Variants in CKB observed in about 807,000 individuals in gnomAD.
CKB encodes the protein creatine kinase B.
CKB carries 15 observed loss-of-function variants against 36.9 expected under a neutral mutation model. That is an observed-to-expected ratio of 0.41 (90% CI 0.27 to 0.63). The LOEUF (loss-of-function observed/expected upper bound fraction) is 0.63. Among genes scored for constraint, CKB ranks in the 20% least tolerant of loss-of-function variants. The pLI is 0.34. For synonymous variants in CKB, 250 were observed against 228.2 expected, an observed-to-expected ratio of 1.10 and a Z score of -0.86; for missense variants, 413 against 534.9, an observed-to-expected ratio of 0.77 and a Z score of 2.25.
chr14:103,522,446 G>T lies in CKB; in HGVS notation c.48C>A (p.Ala16=), dbSNP rs2075910962. 13 of 1,609,954 alleles carry T rather than the reference G, an allele frequency of 8.1e-6. No individual in the cohort carries two copies. Among genetic ancestry groups the T allele is most frequent in the Non-Finnish European group, 1.1e-5 (13 of 1,178,732 alleles). ...CGCTCAGGTCGGGGAACTCGTCCTC[G>T]GCCGGGAAGCGCAGCTTCAGTGCGT... ...SHNALKLRFP[A]EDEFPDLSAH... Residue 16 remains alanine, a synonymous_variant, in exon 2 of 8, where the codon GCC becomes GCA. Transcript: ENST00000348956. This position sits in a 1 kb window ranked among gnomAD's most constrained non-coding sequence, Gnocchi z 6.7.
Position 103,521,757 on chromosome 14 carries a change from C to A in CKB, c.481+61G>T, listed in dbSNP as rs567866697. On this transcript the variant is annotated intron_variant, in intron 4 of 7. Coordinates refer to ENST00000348956, the MANE Select transcript of CKB (RefSeq NM_001823.5). ...CCCGGGCGACGTAAACAAAAGCGGGCGGGGACCGCGCCGGGAGGGGGACGC... is the reference window on the plus strand; with the variant it reads ...CCCGGGCGACGTAAACAAAAGCGGGAGGGGACCGCGCCGGGAGGGGGACGC... 2.6e-4 allele frequency: 353 copies of A among 1,333,184 alleles called. 1 individual carries two copies. The highest frequency in any genetic ancestry group is 2.9e-4 in the Non-Finnish European group (299 of 1,047,008). 82.6% of individuals were successfully genotyped at this position (1,333,184 alleles called of 1,614,324 possible). A position where few individuals can be genotyped will look rare whatever the true frequency, so the allele number is the denominator to read the frequency against.
In CKB at chr14:103,522,018, C is replaced by T; in HGVS notation, c.348+5G>A. The T allele has an allele frequency of 1.3e-6, 2 of 1,548,452 alleles. No individual in the cohort carries two copies. The highest frequency in any genetic ancestry group is 1.7e-6 in the Non-Finnish European group (2 of 1,146,668). ...CGCCCGCCCGGCCCGCCCGCAGCCCCGCACCTGCAGGTTGTCGGGGTTGAG... is the reference window on the plus strand; with the variant it reads ...CGCCCGCCCGGCCCGCCCGCAGCCCTGCACCTGCAGGTTGTCGGGGTTGAG... On this transcript the variant is annotated splice_donor_5th_base_variant and intron_variant, in intron 3 of 7. Coordinates refer to ENST00000348956, the MANE Select transcript of CKB (RefSeq NM_001823.5). The surrounding 1 kb of genome is among the most constrained non-coding windows in gnomAD (Gnocchi z 6.7).
In CKB at chr14:103,520,073, A is replaced by G; in HGVS notation, c.968-31T>C. ...GAGACAGCAAGTCAGGGCGGAGGAA[A>G]CAGGGCTGCCCAAAGGCCACGGGAA... is the stretch of plus-strand genomic sequence containing the variant. On this transcript the variant is annotated intron_variant, in intron 7 of 7. Transcript: ENST00000348956. 3 of 1,607,524 alleles carry G rather than the reference A, an allele frequency of 1.9e-6. No homozygotes were observed. In the South Asian group the frequency reaches 3.3e-5, roughly 18 times the overall value.
chr14:103,520,406 G>T, intron 6 of CKB, 63 bp downstream of exon 6: 1 of 1,588,180 alleles, frequency 6.3e-7, no homozygotes, highest in Non-Finnish European at 8.6e-7. Context: ...CGGGGGGACT[G>T]ATGCTGGGGC....
chr14:103,521,474 G>A (rs1595995440), intron 4 of CKB, 40 bp from the exon 5 acceptor site: 1 of 1,457,476 alleles, frequency 6.9e-7, no homozygotes, highest in Non-Finnish European at 9.0e-7. Flanking sequence ...TCCCGCGCCC[G>A]CCCCTCCAGC....
chr14:103,519,992 C>A lies in CKB; in HGVS notation c.1018G>T (p.Asp340Tyr). ...VGGVFDVSNA[D>Y]RLGFSEVELV... is the part of the protein sequence containing the mutation. ...TCCACCTCTGAGAAGCCCAGGCGGTCAGCGTTGGAGACGTCGAAGACCCCG... is the reference window on the plus strand; with the variant it reads ...TCCACCTCTGAGAAGCCCAGGCGGTAAGCGTTGGAGACGTCGAAGACCCCG... The change falls in exon 8 of 8, where the codon GAC becomes TAC. Residue 340 changes from aspartate (D) to tyrosine (Y), a missense_variant. Asp to Tyr is a radical substitution (Grantham distance 160). This residue lies in a region of CKB where 314 missense variants were observed against 409.4 expected (regional missense o/e 0.77). Coordinates refer to ENST00000348956, the MANE Select transcript of CKB (RefSeq NM_001823.5). 6.2e-7 allele frequency: 1 copy of A among 1,611,102 alleles called. No individual in the cohort carries two copies. Among genetic ancestry groups the A allele is most frequent in the Non-Finnish European group, 8.5e-7 (1 of 1,179,988 alleles).
chr14:103,520,391 T>G, intron 6 of CKB, 78 bp downstream of exon 6: 1 of 1,584,334 alleles, frequency 6.3e-7, no homozygotes, highest in Non-Finnish European at 8.6e-7. Flanking sequence ...GTGCCGGAAA[T>G]CCCCCGGGGG....
rs769357525 is a variant in CKB at position 103,522,383 on chromosome 14, C to A, written c.111G>T (p.Glu37Asp). 6.2e-7 allele frequency: 1 copy of A among 1,611,650 alleles called. No individual in the cohort carries two copies. The highest frequency in any genetic ancestry group is 8.5e-7 in the Non-Finnish European group (1 of 1,179,256). The stretch of plus-strand genomic sequence containing the variant: ...TCTTGGCGCGCAGCTCCGCGTACAG[C>A]TCGGGGGTCAGCACCTTGGCCATGT... The part of the protein sequence containing the change: ...NNHMAKVLTP[E>D]LYAELRAKST... Residue 37 changes from glutamate (E) to aspartate (D), a missense_variant, in exon 2 of 8, where the codon GAG (glutamate) becomes GAT (aspartate). Glu to Asp is a conservative substitution (Grantham distance 45). Coordinates refer to ENST00000348956, the MANE Select transcript of CKB (RefSeq NM_001823.5). The surrounding 1 kb of genome is among the most constrained non-coding windows in gnomAD (Gnocchi z 6.7).
chr14:103,520,262 T>C lies in CKB; in HGVS notation c.827A>G (p.His276Arg). 1 of 1,613,424 alleles carries C rather than the reference T, an allele frequency of 6.2e-7. No homozygotes were observed. The highest frequency in any genetic ancestry group is 8.5e-7 in the Non-Finnish European group (1 of 1,179,932). Residue 276 changes from histidine (H) to arginine (R), a missense_variant, in exon 7 of 8, where the codon CAC becomes CGC. Around this residue, in one of 3 missense-constraint regions of CKB, gnomAD observed 314 missense variants for 409.4 expected, o/e 0.77. Transcript: ENST00000348956. ...TGGGCAGGTGAGGATGTAGCCCAGG[T>C]GAGGGTTCCACATGAACTCATAGTC... ...SKDYEFMWNP[H>R]LGYILTCPSN...
At chr14:103,520,967 T>G in intron 5 of CKB, 1 of 565,312 alleles carries the variant, frequency 1.8e-6, no homozygotes, top group Non-Finnish European at 3.2e-6. Context: ...CCCAGGGCCG[T>G]CGGGGAGAGG....
At chr14:103,521,203 A>G (rs956173859) in intron 5 of CKB, 60 bp downstream of exon 5, 2 of 1,517,434 alleles carry the variant, frequency 1.3e-6, no homozygotes, top group African/African-American at 2.8e-5. Context: ...GGGGGGCGAG[A>G]GGGAAAGCGG....
At chr14:103,520,416 C>T in intron 6 of CKB, 53 bp downstream of exon 6, 16 of 1,588,172 alleles carry the variant, frequency 1.0e-5, no homozygotes, top group Non-Finnish European at 1.3e-5. Context: ...GATGCTGGGG[C>T]ACCCACATCC....
intron 5 of CKB, chr14:103,520,837 C>T: frequency 1.9e-6 from 1 of 535,520 alleles, no homozygotes; most frequent in Non-Finnish European, 3.3e-6. Context: ...GCCAGGACAG[C>T]CCGACCCGCC....
In CKB at chr14:103,522,473, G is replaced by C. The variant is rs142728438; in HGVS notation, c.21C>G (p.His7Gln). ...CCGGGAAGCGCAGCTTCAGTGCGTTGTGGCTGTTGGAGAAGGGCATGGCGG... is the reference window on the plus strand; with the variant it reads ...CCGGGAAGCGCAGCTTCAGTGCGTTCTGGCTGTTGGAGAAGGGCATGGCGG... MPFSNSHNALKLRFPAE... is the reference protein window; with the variant it reads MPFSNSQNALKLRFPAE... Residue 7 changes from histidine to glutamine, a missense_variant, in exon 2 of 8, where the codon CAC (histidine) becomes CAG (glutamine). His to Gln is a conservative substitution (Grantham distance 24, BLOSUM62 0). This residue lies in a region of CKB where 74 missense variants were observed against 70.6 expected (regional missense o/e 1.05). Coordinates refer to ENST00000348956, the MANE Select transcript of CKB (RefSeq NM_001823.5). The surrounding 1 kb of genome is among the most constrained non-coding windows in gnomAD (Gnocchi z 6.7). The C allele has an allele frequency of 3.1e-6, 5 of 1,606,642 alleles. No homozygotes were observed. Among genetic ancestry groups the C allele is most frequent in the African/African-American group, 1.4e-5 (1 of 73,886 alleles).
At chr14:103,521,061 C>A (rs1299433495) in intron 5 of CKB, 5 of 730,328 alleles carry the variant, frequency 6.8e-6, no homozygotes, top group Non-Finnish European at 1.2e-5. Context: ...GGGGCCCAGT[C>A]CCTTAACGCA....
rs370276279 is a variant in CKB, at chr14:103,521,249, A to C, written c.653+14T>G. On this transcript the variant is annotated intron_variant, in intron 5 of 7. Coordinates refer to ENST00000348956, the MANE Select transcript of CKB (RefSeq NM_001823.5). The stretch of plus-strand genomic sequence containing the variant: ...GAGGGAGGACGCCGCGAGAGGGCGC[A>C]GAGGGACACGCACCAGATACCGCGG... The C allele has an allele frequency of 2.5e-6, 4 of 1,580,386 alleles. No individual in the cohort carries two copies. Among genetic ancestry groups the C allele is most frequent in the Non-Finnish European group, 3.4e-6 (4 of 1,168,140 alleles).
chr14:103,522,549 T>G lies in CKB; in HGVS notation c.-12-44A>C. The stretch of plus-strand genomic sequence containing the variant: ...TCAGAGGGGACCGGCACGCCGGGGT[T>G]CCCGGGCTCCCGCGTACCACTCAGG... On this transcript the variant is annotated intron_variant, in intron 1 of 7. Transcript: ENST00000348956. The surrounding 1 kb of genome is among the most constrained non-coding windows in gnomAD (Gnocchi z 6.7). 49 of 671,350 alleles carry G rather than the reference T, an allele frequency of 7.3e-5. No individual in the cohort carries two copies. Among genetic ancestry groups the G allele is most frequent in the East Asian group, 6.6e-4 (8 of 12,122 alleles). The allele number at this position is 671,350 out of a possible 1,614,324, so 41.6% of individuals were successfully genotyped here.
intron 5 of CKB, 170 bp downstream of exon 5, chr14:103,521,093 G>A: frequency 1.2e-6 from 1 of 855,812 alleles, no homozygotes; most frequent in Non-Finnish European, 1.9e-6. Flanking sequence ...AAGGTCACCG[G>A]CGCAGGAGGA....
intron 5 of CKB, chr14:103,520,968 C>A (rs8017780): frequency 0.18 from 100,864 of 566,154 alleles, 10,320 homozygotes; most frequent in Middle Eastern, 0.27. Flanking sequence ...CCAGGGCCGT[C>A]GGGGAGAGGC....
Sources: allele counts gnomAD v4.1 joint callset, GRCh38; gene constraint gnomAD v4.1.1; regional missense constraint gnomAD v4.1.1; non-coding constraint Gnocchi (gnomAD v3.1); transcripts MANE v1.5; gene names NCBI Gene and HGNC (gene_info 2026-07-23, HGNC 2026-07-21).